The following SCGN variants were observed in gnomAD, a reference collection of about 807,000 sequenced individuals.
SCGN encodes secretagogin.
SCGN carries 30 observed loss-of-function variants against 39.7 expected under a neutral mutation model. The ratio of observed to expected loss-of-function variants is 0.76; its 90% CI spans 0.57 to 1.03. The LOEUF (loss-of-function observed/expected upper bound fraction) is 1.03. Among genes scored for constraint, SCGN ranks in the 50% least tolerant of loss-of-function variants. SCGN has a pLI of 0.00. For missense variants in SCGN, 353 were observed against 349.4 expected, an observed-to-expected ratio of 1.01 and a Z score of -0.08; for synonymous variants, 106 against 114.1, an observed-to-expected ratio of 0.93 and a Z score of 0.45.
chr6:25,695,460 C>T (rs1039856566), intron 10 of SCGN, among the ~76,000 whole-genome samples: 10 of 152,002 alleles, frequency 6.6e-5, no homozygotes, highest in Admixed American at 2.6e-4. Context: ...TAACATTTAC[C>T]GTCATAGCAA....
chr6:25,696,050 T>C (rs562292587), intron 10 of SCGN, among the ~76,000 whole-genome samples: 18 of 152,322 alleles, frequency 1.2e-4, no homozygotes, highest in Non-Finnish European at 2.5e-4. Context: ...TTTTCCTTGA[T>C]GGACAACCCA....
rs1361852654 is a variant in SCGN at position 25,652,334 on chromosome 6, C to T, written c.-70C>T. 3.5e-6 allele frequency: 4 copies of T among 1,152,840 alleles called. No individual in the cohort carries two copies. Among genetic ancestry groups the T allele is most frequent in the Non-Finnish European group, 5.2e-6 (4 of 769,036 alleles). The allele number at this position is 1,152,840 out of a possible 1,614,324, so 71.4% of individuals were successfully genotyped here. On this transcript the variant is annotated 5_prime_UTR_variant, in exon 1 of 11. The change creates a new upstream start codon in the 5' untranslated region. Transcript: ENST00000377961. The stretch of plus-strand genomic sequence containing the variant: ...AAGCAGGAGAGCAAGTCAAGAAATA[C>T]GGTGAAGGAGTCCTTCCCAAAGTTG...
chr6:25,669,534 C>T lies in SCGN; in HGVS notation c.360C>T (p.Asp120=), dbSNP rs150197793. 2.1e-5 allele frequency: 34 copies of T among 1,613,642 alleles called. No homozygotes were observed. Among genetic ancestry groups the T allele is most frequent in the Non-Finnish European group, 2.8e-5 (33 of 1,179,626 alleles). Residue 120 remains aspartate (D), a synonymous_variant, in exon 5 of 11, where the codon GAC becomes GAT. Transcript: ENST00000377961. ...FMQIWRKYDA[D]SSGFISAAEL... ...AGATTTGGCGCAAATATGACGCTGA[C>T]AGCAGTGGCTTTATATCAGCTGCTG... is the stretch of plus-strand genomic sequence containing the variant.
chr6:25,670,034 G>C lies in SCGN; in HGVS notation c.429G>C (p.Lys143Asn), dbSNP rs1179304224. ...FLRDLFLHHK[K>N]AISEAKLEEY... ...GAGACCTCTTTCTTCACCACAAAAA[G>C]GCCATTTCTGAGGCTAAACTGGAAG... The change falls in exon 6 of 11, where the codon AAG becomes AAC. Residue 143 changes from lysine (K) to asparagine (N), a missense_variant. Physicochemically the swap from Lys to Asn is moderately conservative, Grantham distance 94. Coordinates refer to ENST00000377961, the MANE Select transcript of SCGN (RefSeq NM_006998.4). The C allele has an allele frequency of 6.2e-7, 1 of 1,613,688 alleles. No homozygotes were observed. The highest frequency in any genetic ancestry group is 1.1e-5 in the South Asian group (1 of 91,026).
chr6:25,694,014 T>A (rs1759808122), intron 10 of SCGN, among the ~76,000 whole-genome samples: 1 of 152,228 alleles, frequency 6.6e-6, no homozygotes, highest in South Asian at 2.1e-4. Flanking sequence ...AATATTGTGC[T>A]ACTTCACTAA....
At chr6:25,682,932 C>T (rs761948170) in intron 7 of SCGN, among the ~76,000 whole-genome samples, 3 of 152,206 alleles carry the variant, frequency 2.0e-5, no homozygotes, top group Non-Finnish European at 4.4e-5. Context: ...TTCTTGGCAG[C>T]TACCTCAGCC....
At chr6:25,695,970 G>A (rs1156256356) in intron 10 of SCGN, among the ~76,000 whole-genome samples, 3 of 152,138 alleles carry the variant, frequency 2.0e-5, no homozygotes, top group Admixed American at 6.5e-5. Context: ...CACTAACATC[G>A]GAAGCCAAAT....
intron 2 of SCGN, among the ~76,000 whole-genome samples, chr6:25,660,632 T>C (rs2151377452): frequency 6.6e-6 from 1 of 152,286 alleles, no homozygotes; most frequent in South Asian, 2.1e-4. Context: ...AAGAACTGAG[T>C]TAGCCCAAGG....
At chr6:25,676,555 G>T (rs904226098) in intron 6 of SCGN, among the ~76,000 whole-genome samples, 2 of 152,142 alleles carry the variant, frequency 1.3e-5, no homozygotes, top group African/African-American at 4.8e-5. Context: ...TTTAACCCTG[G>T]TATGCATTTG....
At chr6:25,689,588 C>T (rs1488068929) in intron 9 of SCGN, 56 bp downstream of exon 9, 3 of 1,439,620 alleles carry the variant, frequency 2.1e-6, no homozygotes, top group Non-Finnish European at 2.9e-6. Flanking sequence ...ACTTATTTAA[C>T]CCCTATGTGG....
At chr6:25,665,985 G>T (rs1399849865) in intron 4 of SCGN, among the ~76,000 whole-genome samples, 1 of 151,706 alleles carries the variant, frequency 6.6e-6, no homozygotes, top group Non-Finnish European at 1.5e-5. Flanking sequence ...GAAAAATTCA[G>T]TCAGGATCCT....
At chr6:25,664,293 G>A (rs1305235213) in intron 3 of SCGN, among the ~76,000 whole-genome samples, 1 of 152,170 alleles carries the variant, frequency 6.6e-6, no homozygotes, top group Non-Finnish European at 1.5e-5. Context: ...AGTCATTCCT[G>A]CTTTTGCACT....
chr6:25,656,639 G>A (rs1354216852), intron 2 of SCGN, among the ~76,000 whole-genome samples: 1 of 152,124 alleles, frequency 6.6e-6, no homozygotes, highest in Non-Finnish European at 1.5e-5. Context: ...AGGGATTATA[G>A]TACCCTGCTG....
chr6:25,669,905 CA>C (rs1331840053), intron 5 of SCGN, 93 bp from the exon 6 acceptor site: 1 of 1,008,264 alleles, frequency 9.9e-7, no homozygotes, highest in East Asian at 2.4e-5. Flanking sequence ...CTCCTGGAAA[CA>C]AGCAACTCAC....
intron 10 of SCGN, among the ~76,000 whole-genome samples, chr6:25,692,439 T>C (rs1027679444): frequency 2.7e-5 from 4 of 150,834 alleles, no homozygotes; most frequent in Admixed American, 6.6e-5. Context: ...CTTTGGAACC[T>C]TACAGCACTC....
chr6:25,689,505 T>C lies in SCGN; in HGVS notation c.606T>C (p.Phe202=). ...CTACTGAAGAAAGGAAAAGGGACTT[T>C]GAGAAAATCTTTGCCTACTATGATG... ...ACSTEERKRD[F]EKIFAYYDVS... Residue 202 remains phenylalanine (F), a synonymous_variant, in exon 9 of 11, where the codon TTT becomes TTC. Transcript: ENST00000377961. 1.9e-6 allele frequency: 3 copies of C among 1,613,868 alleles called. No individual in the cohort carries two copies. The highest frequency in any genetic ancestry group is 1.7e-6 in the Non-Finnish European group (2 of 1,179,746).
intron 4 of SCGN, among the ~76,000 whole-genome samples, chr6:25,669,000 A>G (rs189455523): frequency 6.6e-6 from 1 of 151,786 alleles, no homozygotes; most frequent in East Asian, 1.9e-4. Flanking sequence ...AGTCCCAGCT[A>G]TTAGGGAGGC....
At chr6:25,668,915 T>G (rs1319298842) in intron 4 of SCGN, among the ~76,000 whole-genome samples, 3 of 152,110 alleles carry the variant, frequency 2.0e-5, no homozygotes. Flanking sequence ...ATCGAGACCA[T>G]CCTGGCTAAC....
chr6:25,652,527 G>T (rs763446198), intron 1 of SCGN, 42 bp downstream of exon 1: 1 of 1,584,224 alleles, frequency 6.3e-7, no homozygotes. Flanking sequence ...TGTAGACGTG[G>T]CTCCAAGCTC....
Sources: allele counts gnomAD v4.1 joint callset (sites outside exome capture counted in the v4.1 genomes callset), GRCh38; gene constraint gnomAD v4.1.1; transcripts MANE v1.5; gene names NCBI Gene and HGNC (gene_info 2026-07-23, HGNC 2026-07-21).